DIS3: variants seen among roughly 807,000 people sequenced by gnomAD.
The protein encoded by DIS3 is DIS3 exosome endoribonuclease and 3'-5' exoribonuclease.
In DIS3, 103 loss-of-function variants were observed where a neutral mutation model predicts 113.0. The observed-to-expected ratio is 0.91, with a 90% CI of 0.78 to 1.07. The LOEUF is 1.07. DIS3 is among the 50% of genes least tolerant of loss of function. DIS3 has a pLI of 0.00. For missense variants in DIS3, 1,121 were observed against 1,167.1 expected (o/e 0.96, Z 0.58); for synonymous variants, 402 against 394.3 (o/e 1.02, Z -0.23).
chr13:72,781,184 TA>T, intron 1 of DIS3, 181 bp from the exon 2 acceptor site: 7 of 1,449,234 alleles, frequency 4.8e-6, no homozygotes, highest in East Asian at 2.5e-5. Context: ...TCAGATCTAT[TA>T]AAAAAAGCAC....
In DIS3 at chr13:72,756,991, T is replaced by C. The variant is rs936622350; in HGVS notation, c.*2804A>G. Reference sequence around the variant, plus strand: ...ACAGGGCTTTTTGAGTTAAGTGATATATTCCACGTAACCTGCTTAGCATAA... The same window carrying C: ...ACAGGGCTTTTTGAGTTAAGTGATACATTCCACGTAACCTGCTTAGCATAA... On this transcript the variant is annotated 3_prime_UTR_variant, in exon 21 of 21. Transcript: ENST00000377767. 2 of 152,184 alleles carry C rather than the reference T, an allele frequency of 1.3e-5. No homozygotes were observed. The highest frequency in any genetic ancestry group is 2.9e-5 in the Non-Finnish European group (2 of 68,026). 9.4% of individuals were successfully genotyped at this position (152,184 alleles called of 1,614,324 possible).
chr13:72,765,768 T>C (rs1012543784), intron 15 of DIS3, among the ~76,000 whole-genome samples: 2 of 152,212 alleles, frequency 1.3e-5, no homozygotes, highest in African/African-American at 4.8e-5. Context: ...ATTGAAAGTT[T>C]TTCTATTATG....
Position 72,752,776 on chromosome 13 carries a change from A to G in DIS3, c.*7019T>C, listed in dbSNP as rs555108535. 23 of 102,778 alleles carry G rather than the reference A, an allele frequency of 2.2e-4. No homozygotes were observed. Among genetic ancestry groups the G allele is most frequent in the Middle Eastern group, 8.6e-3 (2 of 232 alleles). 6.4% of individuals were successfully genotyped at this position (102,778 alleles called of 1,614,324 possible). On this transcript the variant is annotated 3_prime_UTR_variant, in exon 21 of 21. Transcript: ENST00000377767. Reference sequence around the variant, plus strand: ...AACATTTTTTCAGGATTATTAAGTGATAAAGAGTGCCGTTTCTAGGCTAGT... The same window carrying G: ...AACATTTTTTCAGGATTATTAAGTGGTAAAGAGTGCCGTTTCTAGGCTAGT...
At position 72,775,289 on chromosome 13, in the gene DIS3, T is replaced by G; in HGVS notation, c.909A>C (p.Val303=). The G allele has an allele frequency of 2.5e-6, 4 of 1,613,842 alleles. No individual in the cohort carries two copies. The highest frequency in any genetic ancestry group is 2.5e-6 in the Non-Finnish European group (3 of 1,179,776). ...AVELLPKSQW[V]APSSVVLHDE... ...CATGTAAAACCACAGAAGATGGTGC[T>G]ACCCACTGACTCTTGGGGAGAAGCT... The change falls in exon 6 of 21, where the codon GTA becomes GTC. Residue 303 remains valine, a synonymous_variant. Transcript: ENST00000377767.
chr13:72,776,365 T>A (rs2034019118), intron 4 of DIS3, among the ~76,000 whole-genome samples: 1 of 152,160 alleles, frequency 6.6e-6, no homozygotes, highest in Non-Finnish European at 1.5e-5. Context: ...ACCAAGAAAC[T>A]GAATTTTTAA....
Position 72,768,786 on chromosome 13 carries a change from C to T in DIS3, c.1882G>A (p.Gly628Arg). 6.3e-7 allele frequency: 1 copy of T among 1,592,278 alleles called. No individual in the cohort carries two copies. Among genetic ancestry groups the T allele is most frequent in the Non-Finnish European group, 8.6e-7 (1 of 1,168,834 alleles). The stretch of plus-strand genomic sequence containing the variant: ...AATACTATGAAAAACAAAATATACC[C>T]TTTTTCAATCCTTCTTTTCTTCAGA... The part of the protein sequence containing the change: ...KILKKRRIEK[G>R]ALTLSSPEVR... The change falls in exon 14 of 21, where the codon GGG (glycine) becomes AGG (arginine). Residue 628 changes from glycine (G) to arginine (R), a missense_variant and splice_region_variant. Coordinates refer to ENST00000377767, the MANE Select transcript of DIS3 (RefSeq NM_014953.5).
chr13:72,753,161 T>C lies in DIS3; in HGVS notation c.*6634A>G, dbSNP rs997896858. Reference sequence around the variant, plus strand: ...CAAGCTGGAAGTTCGCTAGAATCTTTCTTTTTTGCTCTTTTGCACTGAAAC... The same window carrying C: ...CAAGCTGGAAGTTCGCTAGAATCTTCCTTTTTTGCTCTTTTGCACTGAAAC... On this transcript the variant is annotated 3_prime_UTR_variant, in exon 21 of 21. Transcript: ENST00000377767. 1 of 149,800 alleles carries C rather than the reference T, an allele frequency of 6.7e-6. No individual in the cohort carries two copies. Among genetic ancestry groups the C allele is most frequent in the African/African-American group, 2.6e-5 (1 of 39,212 alleles). 9.3% of individuals were successfully genotyped at this position (149,800 alleles called of 1,614,324 possible). A position where few individuals can be genotyped will look rare whatever the true frequency, so the allele number is the denominator to read the frequency against.
In DIS3 at chr13:72,753,670, TTTC is replaced by T. The variant is rs774601518; in HGVS notation, c.*6122_*6124del. 4.7e-5 allele frequency: 75 copies of T among 1,598,970 alleles called. No individual in the cohort carries two copies. The Admixed American group carries it at 4.7e-4, about 10-fold the overall frequency. On this transcript the variant is annotated 3_prime_UTR_variant, in exon 21 of 21. Coordinates refer to ENST00000377767, the MANE Select transcript of DIS3 (RefSeq NM_014953.5). ...TTTTAAGTTCCTCACAATATATTTT[TTTC>T]TTTTTTCTCCTGTCAGATGGATAGT...
rs1314762702 is a variant in DIS3, at chr13:72,755,156, C to T, written c.*4639G>A. 6.2e-7 allele frequency: 1 copy of T among 1,613,656 alleles called. No homozygotes were observed. The highest frequency in any genetic ancestry group is 1.7e-5 in the Admixed American group (1 of 60,024). ...TATTGTCTTCTTTTTCACAGCAAGA[C>T]CACACAACACAGAGGTGTTGGATGA... is the stretch of plus-strand genomic sequence containing the variant. On this transcript the variant is annotated 3_prime_UTR_variant, in exon 21 of 21. Transcript: ENST00000377767.
chr13:72,773,461 C>T (rs1259802604), intron 8 of DIS3, among the ~76,000 whole-genome samples: 2 of 151,974 alleles, frequency 1.3e-5, no homozygotes, highest in Non-Finnish European at 2.9e-5. Flanking sequence ...GACTCTCTCT[C>T]AAAAAGAAGA....
chr13:72,776,507 G>A (rs1232090929), intron 4 of DIS3, among the ~76,000 whole-genome samples: 1 of 152,108 alleles, frequency 6.6e-6, no homozygotes, highest in African/African-American at 2.4e-5. Context: ...TATCATAAAG[G>A]TAAGAAGGGA....
Position 72,755,359 on chromosome 13 carries a change from CT to C in DIS3, c.*4435del, listed in dbSNP as rs1214469376. On this transcript the variant is annotated 3_prime_UTR_variant, in exon 21 of 21. Transcript: ENST00000377767. Reference sequence around the variant, plus strand: ...CCTCCTTAATGTGAAAAATCAAGGGCTTACTGACATAGGAACAACAGAAATG... The same window carrying C: ...CCTCCTTAATGTGAAAAATCAAGGGCTACTGACATAGGAACAACAGAAATG... 3.2e-6 allele frequency: 2 copies of C among 623,040 alleles called. No homozygotes were observed. Among genetic ancestry groups the C allele is most frequent in the African/African-American group, 1.9e-5 (1 of 53,994 alleles). 38.6% of individuals were successfully genotyped at this position (623,040 alleles called of 1,614,324 possible).
At position 72,755,063 on chromosome 13, in the gene DIS3, C is replaced by T. The variant is rs1473244525; in HGVS notation, c.*4732G>A. On this transcript the variant is annotated 3_prime_UTR_variant, in exon 21 of 21. Coordinates refer to ENST00000377767, the MANE Select transcript of DIS3 (RefSeq NM_014953.5). ...TTCAGAGTTCAGCTAAAGAAACGTG[C>T]TTTTAGGTTTTAAAAACAGTCCCGA... 4 of 1,080,758 alleles carry T rather than the reference C, an allele frequency of 3.7e-6. No homozygotes were observed. Among genetic ancestry groups the T allele is most frequent in the Non-Finnish European group, 5.7e-6 (4 of 707,442 alleles). The allele number at this position is 1,080,758 out of a possible 1,614,324, so 66.9% of individuals were successfully genotyped here. A position where few individuals can be genotyped will look rare whatever the true frequency, so the allele number is the denominator to read the frequency against.
At chr13:72,763,709 A>T in intron 15 of DIS3, 102 bp from the exon 16 acceptor site, 1 of 1,160,262 alleles carries the variant, frequency 8.6e-7, no homozygotes, top group Non-Finnish European at 1.2e-6. Flanking sequence ...AGATAATAAG[A>T]GCATTTCCTA....
In DIS3 at chr13:72,780,459, A is replaced by T. The variant is rs544080320; in HGVS notation, c.386+387T>A. On this transcript the variant is annotated intron_variant, in intron 2 of 20. Transcript: ENST00000377767. The stretch of plus-strand genomic sequence containing the variant: ...TACTTTCTATTTTTAAACAAAATAG[A>T]AACTTCACAAACTCATATATTTTAT... 3.9e-5 allele frequency among the ~76,000 whole-genome samples: 6 copies of T among 152,302 alleles called. No individual in the cohort carries two copies. The South Asian group carries it at 1.2e-3, about 32-fold the overall frequency.
chr13:72,753,415 C>T lies in DIS3; in HGVS notation c.*6380G>A, dbSNP rs1239956417. ...TCTACTAGGTACGATCACAAAATAA[C>T]AGGAAAGCATTGTGTCAGTAGGCTG... is the stretch of plus-strand genomic sequence containing the variant. On this transcript the variant is annotated 3_prime_UTR_variant, in exon 21 of 21. Coordinates refer to ENST00000377767, the MANE Select transcript of DIS3 (RefSeq NM_014953.5). 5 of 251,262 alleles carry T rather than the reference C, an allele frequency of 2.0e-5. No homozygotes were observed. In the Admixed American group the frequency reaches 2.6e-4, roughly 13 times the overall value. The allele number at this position is 251,262 out of a possible 1,614,324, so 15.6% of individuals were successfully genotyped here.
At chr13:72,773,924 A>C in intron 7 of DIS3, 22 bp downstream of exon 7, 1 of 1,583,522 alleles carries the variant, frequency 6.3e-7, no homozygotes, top group African/African-American at 1.4e-5. Context: ...TTTTTATTAC[A>C]TAGTAAATGC....
intron 14 of DIS3, among the ~76,000 whole-genome samples, chr13:72,766,401 G>A (rs9573029): frequency 0.27 from 40,341 of 152,048 alleles, 6,639 homozygotes; most frequent in East Asian, 0.49. Context: ...AATAAAGAAG[G>A]GGATTGATTG....
At position 72,755,911 on chromosome 13, in the gene DIS3, G is replaced by C. The variant is rs892543981; in HGVS notation, c.*3884C>G. The C allele has an allele frequency of 6.5e-5, 26 of 398,474 alleles. No homozygotes were observed. Among genetic ancestry groups the C allele is most frequent in the Non-Finnish European group, 1.1e-4 (25 of 226,082 alleles). 24.7% of individuals were successfully genotyped at this position (398,474 alleles called of 1,614,324 possible). A position where few individuals can be genotyped will look rare whatever the true frequency, so the allele number is the denominator to read the frequency against. On this transcript the variant is annotated 3_prime_UTR_variant, in exon 21 of 21. Transcript: ENST00000377767. ...GCCTAGGGTAGGGACATCCTTTCCA[G>C]CTCAAACGTGGGTAGGGATGTGGGA...
Sources: allele counts gnomAD v4.1 joint callset (sites outside exome capture counted in the v4.1 genomes callset), GRCh38; gene constraint gnomAD v4.1.1; transcripts MANE v1.5; gene names NCBI Gene and HGNC (gene_info 2026-07-23, HGNC 2026-07-21).